The following RAP1GAP2 variants were observed in gnomAD, a reference collection of about 807,000 sequenced individuals.
The protein encoded by RAP1GAP2 is RAP1 GTPase activating protein 2.
Under a neutral mutation model 95.0 loss-of-function variants are expected in RAP1GAP2, and 27 were observed. The observed-to-expected ratio is 0.28, with a 90% CI of 0.21 to 0.39. The LOEUF (loss-of-function observed/expected upper bound fraction) is 0.39. RAP1GAP2 is among the 10% of genes least tolerant of loss of function. RAP1GAP2 has a pLI of 1.00. For missense variants in RAP1GAP2, 771 were observed against 970.0 expected (o/e 0.79, Z 2.72); for synonymous variants, 373 against 380.9 (o/e 0.98, Z 0.24).
intron 1 of RAP1GAP2, among the ~76,000 whole-genome samples, chr17:2,769,375 G>A (rs1242380143): frequency 6.7e-6 from 1 of 149,336 alleles, no homozygotes; most frequent in Non-Finnish European, 1.5e-5. Flanking sequence ...CTAACACGGT[G>A]AAACCCCGTC....
intron 2 of RAP1GAP2, among the ~76,000 whole-genome samples, chr17:2,832,323 C>T (rs1002495771): frequency 2.0e-5 from 3 of 151,684 alleles, no homozygotes; most frequent in East Asian, 3.9e-4. Flanking sequence ...CTTTGGGAGG[C>T]CAAGGTGGGT....
intron 1 of RAP1GAP2, among the ~76,000 whole-genome samples, chr17:2,783,365 C>CCT (rs1251986709): frequency 1.3e-5 from 2 of 152,214 alleles, no homozygotes; most frequent in African/African-American, 4.8e-5. Flanking sequence ...CTCTTCCCCA[C>CCT]CTAGAGCAGG....
At chr17:2,988,305 T>C (rs1250563801) in intron 11 of RAP1GAP2, among the ~76,000 whole-genome samples, 1 of 152,232 alleles carries the variant, frequency 6.6e-6, no homozygotes, top group African/African-American at 2.4e-5. Context: ...ATGTACCCTT[T>C]ACCTACTTTC....
chr17:2,885,006 G>A (rs1175810588), intron 2 of RAP1GAP2, among the ~76,000 whole-genome samples: 2 of 151,594 alleles, frequency 1.3e-5, no homozygotes, highest in Non-Finnish European at 2.9e-5. Flanking sequence ...AGGCCAAATA[G>A]GCACATTTCT....
intron 3 of RAP1GAP2, among the ~76,000 whole-genome samples, chr17:2,913,727 G>A (rs767667412): frequency 2.6e-5 from 4 of 152,160 alleles, no homozygotes; most frequent in African/African-American, 7.2e-5. Context: ...ATACACCCAC[G>A]TGAGCCATAC....
At chr17:2,942,008 T>G (rs2043517965) in intron 3 of RAP1GAP2, among the ~76,000 whole-genome samples, 1 of 152,156 alleles carries the variant, frequency 6.6e-6, no homozygotes. Flanking sequence ...GTCCTGAGTG[T>G]CACTGAGATG....
chr17:2,962,548 A>G (rs1018687416), intron 4 of RAP1GAP2, 122 bp from the exon 5 acceptor site: 2 of 1,078,060 alleles, frequency 1.9e-6, no homozygotes, highest in African/African-American at 1.6e-5. Flanking sequence ...GTGCAGGCCC[A>G]GCACGGGCCA....
intron 8 of RAP1GAP2, among the ~76,000 whole-genome samples, chr17:2,977,637 C>T (rs1045429357): frequency 1.3e-5 from 2 of 150,710 alleles, no homozygotes; most frequent in Non-Finnish European, 2.9e-5. Flanking sequence ...CCCAGCTACT[C>T]GGGAGGCTGA....
chr17:2,820,300 C>T (rs1208047368), intron 2 of RAP1GAP2, among the ~76,000 whole-genome samples: 1 of 152,072 alleles, frequency 6.6e-6, no homozygotes, highest in Non-Finnish European at 1.5e-5. Context: ...GGTCGCAGCT[C>T]TACTGGATGC....
intron 1 of RAP1GAP2, among the ~76,000 whole-genome samples, chr17:2,779,071 C>G (rs1438243414): frequency 6.6e-6 from 1 of 152,188 alleles, no homozygotes; most frequent in Non-Finnish European, 1.5e-5. Flanking sequence ...CCCAGCGTGG[C>G]CTGACATGAA....
At position 2,904,577 on chromosome 17, in the gene RAP1GAP2, G is replaced by C. The variant is rs1200577845; in HGVS notation, c.81-707G>C. On this transcript the variant is annotated intron_variant, in intron 2 of 24. Transcript: ENST00000254695. This position sits in a 1 kb window ranked among gnomAD's most constrained non-coding sequence, Gnocchi z 4.7. Reference sequence around the variant, plus strand: ...GTGTGTGTGTGTGTGTGTACGTGCAGAGGGGCTCAAGGGAGAATGAATCCG... The same window carrying C: ...GTGTGTGTGTGTGTGTGTACGTGCACAGGGGCTCAAGGGAGAATGAATCCG... Among the ~76,000 whole-genome samples, 1 of 56,350 alleles carries C rather than the reference G, an allele frequency of 1.8e-5. No individual in the cohort carries two copies. Among genetic ancestry groups the C allele is most frequent in the Non-Finnish European group, 5.2e-5 (1 of 19,138 alleles). 37.0% of individuals were successfully genotyped at this position (56,350 alleles called of 152,430 possible). A position where few individuals can be genotyped will look rare whatever the true frequency, so the allele number is the denominator to read the frequency against.
chr17:2,980,086 A>G (rs1293229127), intron 8 of RAP1GAP2, among the ~76,000 whole-genome samples: 1 of 151,882 alleles, frequency 6.6e-6, no homozygotes, highest in African/African-American at 2.4e-5. Context: ...GATTACAGGC[A>G]TCCGCCACCA....
At chr17:2,761,727 G>A (rs554730967) in intron 1 of RAP1GAP2, among the ~76,000 whole-genome samples, 1 of 152,164 alleles carries the variant, frequency 6.6e-6, no homozygotes, top group Admixed American at 6.6e-5. Context: ...TGAAGTACAG[G>A]TCGCAGAATT....
intron 3 of RAP1GAP2, among the ~76,000 whole-genome samples, chr17:2,907,502 A>C (rs1422228136): frequency 6.6e-6 from 1 of 152,046 alleles, no homozygotes; most frequent in Non-Finnish European, 1.5e-5. Flanking sequence ...GCACAGTTAA[A>C]CGTGGTGAAT....
intron 8 of RAP1GAP2, among the ~76,000 whole-genome samples, chr17:2,970,493 T>A (rs532346615): frequency 6.2e-4 from 94 of 152,238 alleles, no homozygotes; most frequent in Admixed American, 1.6e-3. Context: ...CTGTGTAAAT[T>A]CCAACTTTCA....
intron 3 of RAP1GAP2, among the ~76,000 whole-genome samples, chr17:2,933,755 C>T (rs892236422): frequency 1.3e-5 from 2 of 151,696 alleles, no homozygotes; most frequent in Non-Finnish European, 2.9e-5. Context: ...ATTTCCAGAG[C>T]TGCTTTTTTC....
intron 1 of RAP1GAP2, among the ~76,000 whole-genome samples, chr17:2,759,560 C>T (rs2071206840): frequency 1.3e-5 from 2 of 152,220 alleles, no homozygotes; most frequent in African/African-American, 2.4e-5. Flanking sequence ...AAGCAATTCT[C>T]CTGCCTCAGC....
intron 7 of RAP1GAP2, chr17:2,964,401 C>T (rs2044498367): frequency 4.3e-6 from 1 of 233,730 alleles, no homozygotes; most frequent in South Asian, 5.3e-5. Context: ...GGGGGTAGGG[C>T]AGAGTGCCCC....
At chr17:2,911,196 G>A (rs1184665579) in intron 3 of RAP1GAP2, among the ~76,000 whole-genome samples, 3 of 150,654 alleles carry the variant, frequency 2.0e-5, no homozygotes, top group East Asian at 2.0e-4. Context: ...CCTCACTGGC[G>A]TGCCTGCTGC....
Sources: allele counts gnomAD v4.1 joint callset (sites outside exome capture counted in the v4.1 genomes callset), GRCh38; gene constraint gnomAD v4.1.1; non-coding constraint Gnocchi (gnomAD v3.1); transcripts MANE v1.5; gene names NCBI Gene and HGNC (gene_info 2026-07-23, HGNC 2026-07-21).